TGM5: variants seen among roughly 807,000 people sequenced by gnomAD.
The protein encoded by TGM5 is transglutaminase 5, also known as protein-glutamine gamma-glutamyltransferase 5.
A neutral mutation model predicts 77.2 loss-of-function variants in TGM5; 69 were observed. The observed-to-expected ratio is 0.89, with a 90% CI of 0.74 to 1.09. The LOEUF (loss-of-function observed/expected upper bound fraction) is 1.09, where lower values mean the gene tolerates loss of function less well. Among genes scored for constraint, TGM5 ranks in the 50% least tolerant of loss-of-function variants. TGM5 has a pLI of 0.00. For synonymous variants in TGM5, 346 were observed against 351.8 expected, an observed-to-expected ratio of 0.98 and a Z score of 0.18; for missense variants, 842 against 896.5, an observed-to-expected ratio of 0.94 and a Z score of 0.78.
intron 6 of TGM5, among the ~76,000 whole-genome samples, chr15:43,250,451 G>T (rs142718443): frequency 6.6e-6 from 1 of 152,152 alleles, no homozygotes; most frequent in East Asian, 1.9e-4. Flanking sequence ...GCAACCTCAC[G>T]CATCTTGCCT....
chr15:43,253,088 T>C, intron 5 of TGM5, 152 bp from the exon 6 acceptor site: 1 of 844,602 alleles, frequency 1.2e-6, no homozygotes, highest in Admixed American at 2.0e-5. Flanking sequence ...TGGGGAGGGC[T>C]AAGGATGGGG....
At chr15:43,264,060 AG>A (rs1351690449) in intron 1 of TGM5, among the ~76,000 whole-genome samples, 3 of 152,250 alleles carry the variant, frequency 2.0e-5, no homozygotes, top group Admixed American at 6.5e-5. Flanking sequence ...ATACACGAAA[AG>A]ATGCTCAACA....
intron 1 of TGM5, 92 bp from the exon 2 acceptor site, chr15:43,260,671 A>G (rs1566837257): frequency 7.2e-7 from 1 of 1,390,058 alleles, no homozygotes; most frequent in East Asian, 2.3e-5. Flanking sequence ...TGAGAAAGTA[A>G]CTTAGCTTGA....
chr15:43,257,252 G>C (rs557322339), intron 3 of TGM5, among the ~76,000 whole-genome samples: 27 of 152,174 alleles, frequency 1.8e-4, no homozygotes, highest in Non-Finnish European at 3.5e-4. Context: ...CCCTGTTATT[G>C]GGGAGTAGTT....
intron 3 of TGM5, 65 bp from the exon 4 acceptor site, chr15:43,256,751 T>G: frequency 8.6e-7 from 1 of 1,161,754 alleles, no homozygotes; most frequent in Non-Finnish European, 1.3e-6. Context: ...CCCATTCTCA[T>G]CCCCACAGTC....
Position 43,260,416 on chromosome 15 carries a change from G to A in TGM5, c.174C>T (p.Ile58=). The A allele has an allele frequency of 3.1e-6, 5 of 1,614,234 alleles. No individual in the cohort carries two copies. Among genetic ancestry groups the A allele is most frequent in the Non-Finnish European group, 4.2e-6 (5 of 1,180,046 alleles). The change falls in exon 2 of 13, where the codon ATC becomes ATT. Residue 58 remains isoleucine (I), a synonymous_variant. Coordinates refer to ENST00000220420, the MANE Select transcript of TGM5 (RefSeq NM_201631.4). ...GGTTCTTACCAGTTTCAACCACGAA[G>A]ATGATGTTGTCCAGGCCTGGCTGGA... ...RSFQPGLDNI[I]FVVETGPLPD...
intron 6 of TGM5, among the ~76,000 whole-genome samples, chr15:43,252,433 T>C (rs529767506): frequency 7.9e-5 from 12 of 152,306 alleles, no homozygotes; most frequent in African/African-American, 2.9e-4. Flanking sequence ...TTCTCCTGCC[T>C]CAGCCTCCCG....
At chr15:43,244,572 G>A (rs1414416399) in intron 6 of TGM5, among the ~76,000 whole-genome samples, 2 of 152,232 alleles carry the variant, frequency 1.3e-5, no homozygotes, top group Non-Finnish European at 2.9e-5. Flanking sequence ...GGACCACAGA[G>A]TTATCAAGGT....
chr15:43,259,602 G>A (rs552356407), intron 3 of TGM5, among the ~76,000 whole-genome samples: 60 of 152,288 alleles, frequency 3.9e-4, no homozygotes, highest in South Asian at 2.9e-3. Context: ...AAGGTGAATG[G>A]AATCTGAAAG....
At chr15:43,263,228 A>T (rs1003631000) in intron 1 of TGM5, among the ~76,000 whole-genome samples, 1 of 152,244 alleles carries the variant, frequency 6.6e-6, no homozygotes, top group African/African-American at 2.4e-5. Context: ...ATGAAAAGAC[A>T]TTCCAGGTTC....
At position 43,260,588 on chromosome 15, in the gene TGM5, G is replaced by A. The variant is rs771871395; in HGVS notation, c.11-9C>T. 1.8e-5 allele frequency: 29 copies of A among 1,613,914 alleles called. No homozygotes were observed. The highest frequency in any genetic ancestry group is 2.2e-5 in the Non-Finnish European group (26 of 1,179,972). On this transcript the variant is annotated splice_polypyrimidine_tract_variant and intron_variant, in intron 1 of 12. Transcript: ENST00000220420. ...GAGGGCCACTTCTAGCCCTGCAATG[G>A]GGCAGCCAGGGTTAGACAAAATAGT...
chr15:43,252,961 T>C, intron 5 of TGM5, 25 bp from the exon 6 acceptor site: 1 of 1,610,382 alleles, frequency 6.2e-7, no homozygotes, highest in Non-Finnish European at 8.5e-7. Context: ...TATAGAGAAG[T>C]GTTAGAAACA....
chr15:43,246,937 AG>A (rs761236518), intron 6 of TGM5, among the ~76,000 whole-genome samples: 53 of 152,142 alleles, frequency 3.5e-4, no homozygotes, highest in Admixed American at 1.3e-4. Context: ...AAAGCTTAAA[AG>A]CAAACCTCAA....
chr15:43,261,911 G>C (rs16957521), intron 1 of TGM5, among the ~76,000 whole-genome samples: 6 of 152,028 alleles, frequency 3.9e-5, no homozygotes, highest in African/African-American at 1.5e-4. Flanking sequence ...TGCTTTACAA[G>C]TTCTGAGATC....
In TGM5 at chr15:43,252,813, A is replaced by C; in HGVS notation, c.808T>G (p.Cys270Gly). Residue 270 changes from cysteine (C) to glycine (G), a missense_variant, in exon 6 of 13, where the codon TGC becomes GGC. Cys to Gly is a radical substitution (Grantham distance 159). Around this residue, in one of 2 missense-constraint regions of TGM5, gnomAD observed 815 missense variants for 844.6 expected, o/e 0.96. Transcript: ENST00000220420. Reference protein sequence around the residue: ...AILKQWNATGCQPVRYGQCWV... With the variant: ...AILKQWNATGGQPVRYGQCWV... ...CATTGCCCGTAGCGCACGGGCTGGCAGCCTGTGGCGTTCCACTGCTTCAGG... is the reference window on the plus strand; with the variant it reads ...CATTGCCCGTAGCGCACGGGCTGGCCGCCTGTGGCGTTCCACTGCTTCAGG... 6.2e-7 allele frequency: 1 copy of C among 1,614,044 alleles called. No homozygotes were observed. Among genetic ancestry groups the C allele is most frequent in the Non-Finnish European group, 8.5e-7 (1 of 1,180,020 alleles).
In TGM5 at chr15:43,235,519, A is replaced by G. The variant is rs374155776; in HGVS notation, c.1664T>C (p.Leu555Pro). 2.8e-5 allele frequency: 45 copies of G among 1,614,086 alleles called. No individual in the cohort carries two copies. The highest frequency in any genetic ancestry group is 3.6e-5 in the Non-Finnish European group (43 of 1,180,046). ...CGCTGTGTCCTGCCAGAATGGGGAC[A>G]GGGGGCTGCCATCGTGCAGCAGAGA... ...AQSLLHDGSPLSPFWQDTAFI... is the reference protein window; with the variant it reads ...AQSLLHDGSPPSPFWQDTAFI... Residue 555 changes from leucine (L) to proline (P), a missense_variant, in exon 10 of 13, where the codon CTG becomes CCG. Leu to Pro is a moderately conservative substitution (Grantham distance 98, BLOSUM62 -3). Transcript: ENST00000220420.
intron 3 of TGM5, 24 bp from the exon 4 acceptor site, chr15:43,256,710 C>T (rs145161096): frequency 5.1e-5 from 79 of 1,544,302 alleles, no homozygotes; most frequent in African/African-American, 6.8e-5. Context: ...TGGGAGGGCA[C>T]GAAGCAGAAA....
At chr15:43,235,883 G>A (rs377575882) in intron 9 of TGM5, 46 bp from the exon 10 acceptor site, 46 of 1,609,224 alleles carry the variant, frequency 2.9e-5, no homozygotes, top group African/African-American at 6.7e-5. Context: ...CAGGCTGACC[G>A]GGGTAGACTG....
intron 1 of TGM5, among the ~76,000 whole-genome samples, chr15:43,262,435 G>A (rs780430745): frequency 2.0e-5 from 3 of 152,096 alleles, no homozygotes; most frequent in Admixed American, 2.0e-4. Context: ...GTGAATCAGC[G>A]AATTCAACAG....
Sources: gnomAD v4.1 joint callset for allele counts (sites outside exome capture counted in the v4.1 genomes callset) on GRCh38, gnomAD v4.1.1 for gene constraint, gnomAD v4.1.1 regional missense constraint, MANE v1.5 for transcripts, NCBI Gene and HGNC (gene_info 2026-07-23, HGNC 2026-07-21) for gene names.